Variants in KCNAB2 observed in about 807,000 individuals in gnomAD.
KCNAB2 encodes voltage-gated potassium channel subunit beta-2.
A neutral mutation model predicts 63.6 loss-of-function variants in KCNAB2; 29 were observed. The observed-to-expected ratio is 0.46, with a 90% CI of 0.34 to 0.62. KCNAB2 has a LOEUF of 0.62. Ranked by LOEUF, KCNAB2 falls within the 20% of genes least tolerant of loss-of-function variation. The pLI is 0.01. For missense variants in KCNAB2, 359 were observed against 563.9 expected, an observed-to-expected ratio of 0.64 and a Z score of 3.68; for synonymous variants, 222 against 224.2, an observed-to-expected ratio of 0.99 and a Z score of 0.09.
At position 6,055,306 on chromosome 1, in the gene KCNAB2, T is replaced by C. The variant is rs373935669; in HGVS notation, c.218+3552T>C. 4.3e-4 allele frequency among the ~76,000 whole-genome samples: 66 copies of C among 151,976 alleles called. 3 individuals are homozygous for C. In the South Asian group the frequency reaches 0.011, roughly 25 times the overall value. On this transcript the variant is annotated intron_variant, in intron 2 of 15. Coordinates refer to ENST00000378083, the MANE Select transcript of KCNAB2 (RefSeq NM_001199862.2). The stretch of plus-strand genomic sequence containing the variant: ...GTCCCACTGTGGGGCTGAAACGCCC[T>C]TGGGGATCTCGCTTCTCAGGGAGTG...
chr1:6,042,915 G>A (rs533962850), upstream of KCNAB2, among the ~76,000 whole-genome samples: 23 of 143,324 alleles, frequency 1.6e-4, no homozygotes, highest in African/African-American at 6.0e-4. Flanking sequence ...AGTGATCTGT[G>A]CCACGCCTTC....
intron 2 of KCNAB2, among the ~76,000 whole-genome samples, chr1:6,054,723 C>A (rs1296692815): frequency 6.6e-6 from 1 of 152,102 alleles, no homozygotes; most frequent in Admixed American, 6.5e-5. Flanking sequence ...AAGTAGTGGC[C>A]TGTGATCATT....
At chr1:6,047,699 C>T (rs998883777) in intron 1 of KCNAB2, among the ~76,000 whole-genome samples, 7 of 152,296 alleles carry the variant, frequency 4.6e-5, no homozygotes, top group East Asian at 3.9e-4. Context: ...CCTCTGTGCA[C>T]GGGACACTCC....
rs1343671292 is a variant in KCNAB2 at position 6,082,292 on chromosome 1, CG to C, written c.380+21del. 2.5e-6 allele frequency: 4 copies of C among 1,600,824 alleles called. No individual in the cohort carries two copies. The East Asian group carries it at 8.9e-5, about 36-fold the overall frequency. ...GCCGGCAAGTACGTGTCTTTTCACA[CG>C]GGAAAAAGTGGTTCAGAATGCCTGG... On this transcript the variant is annotated intron_variant, in intron 5 of 15. Transcript: ENST00000378083.
At position 6,086,505 on chromosome 1, in the gene KCNAB2, G is replaced by A. The variant is rs967119693; in HGVS notation, c.426-962G>A. On this transcript the variant is annotated intron_variant, in intron 6 of 15. Transcript: ENST00000378083. The surrounding 1 kb of genome is among the most constrained non-coding windows in gnomAD (Gnocchi z 4.2). ...AGAGGAGGCCTCCTACTCCAGCCTC[G>A]TGAGCTGCTTCCCTGAGCAGCCCGG... is the stretch of plus-strand genomic sequence containing the variant. 1.5e-5 allele frequency: 8 copies of A among 527,238 alleles called. No individual in the cohort carries two copies. The highest frequency in any genetic ancestry group is 8.2e-5 in the South Asian group (1 of 12,138). The allele number at this position is 527,238 out of a possible 1,614,324, so 32.7% of individuals were successfully genotyped here.
chr1:6,073,826 T>C lies in KCNAB2; in HGVS notation c.300+56T>C. 1 of 1,559,206 alleles carries C rather than the reference T, an allele frequency of 6.4e-7. No homozygotes were observed. Among genetic ancestry groups the C allele is most frequent in the Admixed American group, 1.7e-5 (1 of 59,850 alleles). On this transcript the variant is annotated intron_variant, in intron 4 of 15. Transcript: ENST00000378083. This position sits in a 1 kb window ranked among gnomAD's most constrained non-coding sequence, Gnocchi z 5.7. ...CCCAGCACGGGCTCGCCAGAGCACA[T>C]GGTTAAGTCTGCCGCGTGGACCAGT...
chr1:6,040,523 C>T (rs780557707), exon 2 of KCNAB2: 8 of 1,538,334 alleles, frequency 5.2e-6, no homozygotes, highest in East Asian at 2.3e-5. Flanking sequence ...CCAGAATTTT[C>T]CCACTGTAAA....
chr1:6,076,543 C>T (rs1371186771), intron 4 of KCNAB2, among the ~76,000 whole-genome samples: 1 of 152,232 alleles, frequency 6.6e-6, no homozygotes, highest in African/African-American at 2.4e-5. Context: ...CTCACCTAAT[C>T]CTCTATCAAC....
At chr1:6,042,024 T>C (rs191161345), upstream of KCNAB2, 164 of 683,620 alleles carry the variant, frequency 2.4e-4, no homozygotes, top group Admixed American at 3.8e-3. Context: ...CCTCTGTGCC[T>C]ACCCACAGGA....
rs115635073 is a variant in KCNAB2, at chr1:6,003,668, C to T, written c.-53+10880C>T. 6.6e-6 allele frequency among the ~76,000 whole-genome samples: 1 copy of T among 152,178 alleles called. No homozygotes were observed. Among genetic ancestry groups the T allele is most frequent in the Non-Finnish European group, 1.5e-5 (1 of 68,042 alleles). On this transcript the variant is annotated intron_variant, in intron 1 of 16. Transcript: ENST00000341524. The surrounding 1 kb of genome is among the most constrained non-coding windows in gnomAD (Gnocchi z 4.1). ...GTCACAGAGGTAGGATTCCTGGACC[C>T]CAAGCTCTGGACCTCTACTACCCAA... is the stretch of plus-strand genomic sequence containing the variant.
chr1:6,061,511 G>A (rs1043995515), intron 2 of KCNAB2, among the ~76,000 whole-genome samples: 1 of 152,200 alleles, frequency 6.6e-6, no homozygotes, highest in East Asian at 1.9e-4. Flanking sequence ...CCTCAACCCT[G>A]GCACCATTGA....
intron 5 of KCNAB2, among the ~76,000 whole-genome samples, chr1:6,084,542 G>C (rs557492777): frequency 6.6e-6 from 1 of 152,220 alleles, no homozygotes; most frequent in Non-Finnish European, 1.5e-5. Flanking sequence ...TTGTCCCGGC[G>C]CGGTGGCTCA....
chr1:6,092,477 G>A (rs879402677), intron 10 of KCNAB2, among the ~76,000 whole-genome samples: 4 of 152,388 alleles, frequency 2.6e-5, no homozygotes, highest in African/African-American at 4.8e-5. Context: ...GTGAGGGAAC[G>A]GGGCTGGCCT....
Position 6,025,615 on chromosome 1 carries a change from C to T in KCNAB2, c.-52-14902C>T, listed in dbSNP as rs72861042. On this transcript the variant is annotated intron_variant, in intron 1 of 16. Transcript: ENST00000341524. ...CCTGTCCCCTCAAGGCGGCTGCCCC[C>T]TCTGTGTCCTGGCACAAAGTTGGGA... Among the ~76,000 whole-genome samples the T allele has an allele frequency of 8.4e-3, 1,276 of 152,364 alleles. 19 individuals are homozygous for T. Among genetic ancestry groups the T allele is most frequent in the African/African-American group, 0.029 (1,189 of 41,590 alleles).
chr1:6,070,552 C>T (rs1234370827), intron 2 of KCNAB2, among the ~76,000 whole-genome samples: 1 of 152,204 alleles, frequency 6.6e-6, no homozygotes, highest in African/African-American at 2.4e-5. Flanking sequence ...AAGGAAACTT[C>T]AGTTCCTTTT....
intron 1 of KCNAB2, among the ~76,000 whole-genome samples, chr1:6,022,977 G>A (rs942536485): frequency 3.3e-5 from 5 of 151,450 alleles, no homozygotes; most frequent in Non-Finnish European, 7.4e-5. Flanking sequence ...CTGCCTCCTG[G>A]GTTCAAGTGA....
chr1:6,094,376 C>A, intron 10 of KCNAB2, 24 bp from the exon 11 acceptor site: 1 of 1,589,656 alleles, frequency 6.3e-7, no homozygotes, highest in Non-Finnish European at 8.6e-7. Flanking sequence ...CCCCCACCTG[C>A]GGTTTCCCTT....
Position 6,095,333 on chromosome 1 carries a change from C to CCG in KCNAB2, c.744_745dup (p.Val249AlafsTer8). On this transcript the variant is annotated frameshift_variant, in exon 12 of 16. Coordinates refer to ENST00000378083, the MANE Select transcript of KCNAB2 (RefSeq NM_001199862.2). LOFTEE classifies it high-confidence loss of function. ...TTTCTGCCTTCACAGGAGGCCTACTCCGTGGCCCGGCAGTTCAACCTGACC... is the reference window on the plus strand; with the variant it reads ...TTTCTGCCTTCACAGGAGGCCTACTCCGCGTGGCCCGGCAGTTCAACCTGACC... The CCG allele has an allele frequency of 6.2e-7, 1 of 1,612,664 alleles. No individual in the cohort carries two copies.
intron 1 of KCNAB2, among the ~76,000 whole-genome samples, chr1:6,029,158 C>T (rs1357495711): frequency 6.6e-6 from 1 of 152,046 alleles, no homozygotes; most frequent in Non-Finnish European, 1.5e-5. Flanking sequence ...CAGCGTGTGC[C>T]TGTAGTCCCA....
Sources: allele counts gnomAD v4.1 joint callset (sites outside exome capture counted in the v4.1 genomes callset), GRCh38; gene constraint gnomAD v4.1.1; non-coding constraint Gnocchi (gnomAD v3.1); transcripts MANE v1.5; gene names NCBI Gene and HGNC (gene_info 2026-07-23, HGNC 2026-07-21).